The following ILDR1 variants were observed in gnomAD, a reference collection of about 807,000 sequenced individuals.
The protein encoded by ILDR1 is immunoglobulin-like domain-containing receptor 1.
A neutral mutation model predicts 62.4 loss-of-function variants in ILDR1; 56 were observed. The observed-to-expected ratio is 0.90, with a 90% confidence interval of 0.72 to 1.12. The LOEUF is 1.12. ILDR1 is among the 50% of genes most tolerant of loss of function. The pLI is 0.00. For missense variants in ILDR1, 736 were observed against 710.6 expected, an observed-to-expected ratio of 1.04 and a Z score of -0.41; for synonymous variants, 284 against 277.8, an observed-to-expected ratio of 1.02 and a Z score of -0.22.
the ILDR1 span, among the ~76,000 whole-genome samples, chr3:122,046,697 C>G: frequency 6.8e-6 from 1 of 146,894 alleles, no homozygotes; most frequent in Non-Finnish European, 1.5e-5. Context: ...ACCCTTTCTT[C>G]CAGTTGATCG....
chr3:122,047,232 G>C, the ILDR1 span, among the ~76,000 whole-genome samples: 1 of 151,812 alleles, frequency 6.6e-6, no homozygotes, highest in Admixed American at 6.6e-5. Flanking sequence ...AGGCTGCTCG[G>C]GGGTCAGGGG....
chr3:121,995,948 G>A (rs886363552), intron 5 of ILDR1, among the ~76,000 whole-genome samples: 2 of 152,052 alleles, frequency 1.3e-5, no homozygotes, highest in Admixed American at 6.5e-5. Context: ...TTTGTGTGCC[G>A]CACCGCCAAG....
intron 1 of ILDR1, among the ~76,000 whole-genome samples, chr3:122,021,238 C>T (rs948647221): frequency 1.3e-5 from 2 of 152,156 alleles, no homozygotes; most frequent in Admixed American, 6.5e-5. Flanking sequence ...TGCAAGGTCA[C>T]ACCTACATCC....
the ILDR1 span, among the ~76,000 whole-genome samples, chr3:122,045,663 C>T: frequency 6.6e-6 from 1 of 151,546 alleles, no homozygotes; most frequent in African/African-American, 2.4e-5. Flanking sequence ...ATCCCTTTAC[C>T]ATTATGTAAT....
chr3:122,002,677 T>C (rs1390447505), intron 3 of ILDR1, among the ~76,000 whole-genome samples: 1 of 152,066 alleles, frequency 6.6e-6, no homozygotes, highest in Non-Finnish European at 1.5e-5. Context: ...CAGGTAAACA[T>C]GTGCCATGGC....
chr3:122,048,834 C>T, the ILDR1 span, among the ~76,000 whole-genome samples: 1 of 151,912 alleles, frequency 6.6e-6, no homozygotes, highest in Non-Finnish European at 1.5e-5. Context: ...CAGGGTCTTG[C>T]TACGTTGCCC....
chr3:122,011,296 G>A (rs889630284), intron 1 of ILDR1, among the ~76,000 whole-genome samples: 1 of 152,088 alleles, frequency 6.6e-6, no homozygotes, highest in Non-Finnish European at 1.5e-5. Context: ...AATTTGGTTA[G>A]AGTCAGAAAT....
the ILDR1 span, among the ~76,000 whole-genome samples, chr3:122,057,510 C>T: frequency 6.6e-6 from 1 of 152,114 alleles, no homozygotes; most frequent in Non-Finnish European, 1.5e-5. Context: ...TACATGTATA[C>T]AAACAATATT....
At chr3:122,047,302 A>G in the ILDR1 span, among the ~76,000 whole-genome samples, 2 of 152,190 alleles carry the variant, frequency 1.3e-5, no homozygotes, top group Admixed American at 1.3e-4. Context: ...GCGTGCTGGG[A>G]GAACCACTGC....
At chr3:122,025,191 T>TA (rs1024916775), upstream of ILDR1, 3 of 152,146 alleles carry the variant, frequency 2.0e-5, no homozygotes, top group Non-Finnish European at 2.9e-5. Flanking sequence ...TAGGCACTTT[T>TA]AAAAAAATGC....
At chr3:121,997,724 T>G (rs2071457830) in intron 5 of ILDR1, among the ~76,000 whole-genome samples, 1 of 152,204 alleles carries the variant, frequency 6.6e-6, no homozygotes, top group Non-Finnish European at 1.5e-5. Flanking sequence ...TGTGGCCTAC[T>G]GCTGGGCATG....
intron 1 of ILDR1, among the ~76,000 whole-genome samples, chr3:122,015,007 C>T (rs2071758320): frequency 6.6e-6 from 1 of 152,182 alleles, no homozygotes; most frequent in African/African-American, 2.4e-5. Flanking sequence ...ACACTCTGAG[C>T]CAGTCATTAG....
At chr3:122,014,379 T>C (rs2071749350) in intron 1 of ILDR1, among the ~76,000 whole-genome samples, 3 of 152,220 alleles carry the variant, frequency 2.0e-5, no homozygotes, top group Non-Finnish European at 4.4e-5. Context: ...TACATTGATT[T>C]GTGACTTTTT....
At chr3:121,989,456 T>G (rs1405123161) in intron 7 of ILDR1, among the ~76,000 whole-genome samples, 1 of 152,212 alleles carries the variant, frequency 6.6e-6, no homozygotes, top group East Asian at 1.9e-4. Flanking sequence ...TGAATTTAGC[T>G]TGGAGAAGAA....
the ILDR1 span, among the ~76,000 whole-genome samples, chr3:122,036,398 G>A: frequency 6.6e-6 from 1 of 152,046 alleles, no homozygotes; most frequent in East Asian, 1.9e-4. Context: ...GACAATCCTG[G>A]CTAACACAGA....
intron 1 of ILDR1, among the ~76,000 whole-genome samples, chr3:122,008,540 G>A (rs2071648645): frequency 6.6e-6 from 1 of 151,924 alleles, no homozygotes; most frequent in African/African-American, 2.4e-5. Context: ...GGACTTGGGT[G>A]AGGCCCAGAG....
chr3:122,012,493 T>TA (rs2107672644), intron 1 of ILDR1, among the ~76,000 whole-genome samples: 1 of 152,296 alleles, frequency 6.6e-6, no homozygotes, highest in African/African-American at 2.4e-5. Flanking sequence ...AATGGTAATG[T>TA]AATATAAACA....
the ILDR1 span, chr3:122,055,388 G>C: frequency 3.5e-6 from 4 of 1,152,862 alleles, no homozygotes; most frequent in Admixed American, 6.8e-5. Context: ...GGCTTGCACA[G>C]GGTGAAAGCT....
At chr3:122,011,228 T>C (rs2071697712) in intron 1 of ILDR1, among the ~76,000 whole-genome samples, 1 of 152,140 alleles carries the variant, frequency 6.6e-6, no homozygotes, top group Non-Finnish European at 1.5e-5. Flanking sequence ...ATATCACCTG[T>C]ATAGAGGTAG....
Sources: gnomAD v4.1 joint callset for allele counts (sites outside exome capture counted in the v4.1 genomes callset) on GRCh38, gnomAD v4.1.1 for gene constraint, MANE v1.5 for transcripts, NCBI Gene and HGNC (gene_info 2026-07-23, HGNC 2026-07-21) for gene names.